Variants in GPM6A observed in about 807,000 individuals in gnomAD.
GPM6A encodes the protein neuronal membrane glycoprotein M6-a.
GPM6A carries 7 observed loss-of-function variants against 32.1 expected under a neutral mutation model. The ratio of observed to expected loss-of-function variants is 0.22; its 90% confidence interval spans 0.12 to 0.41. The LOEUF is 0.41. GPM6A is among the 10% of genes least tolerant of loss of function. GPM6A has a pLI of 1.00. For synonymous variants in GPM6A, 130 were observed against 123.4 expected, an observed-to-expected ratio of 1.05 and a Z score of -0.35; for missense variants, 235 against 347.2, an observed-to-expected ratio of 0.68 and a Z score of 2.57.
chr4:175,665,959 C>A (rs1382484135), intron 3 of GPM6A, among the ~76,000 whole-genome samples: 3 of 149,424 alleles, frequency 2.0e-5, no homozygotes, highest in Non-Finnish European at 3.0e-5. Context: ...CACTCAGTCA[C>A]CCAGGCTGGA....
At chr4:175,957,144 A>G (rs1305154541) in intron 1 of GPM6A, among the ~76,000 whole-genome samples, 1 of 152,220 alleles carries the variant, frequency 6.6e-6, no homozygotes, top group Non-Finnish European at 1.5e-5. Context: ...GCTCAGGCTT[A>G]AAAGCAGGCT....
rs116089667 is a variant in GPM6A at position 175,751,702 on chromosome 4, T to C, written c.38-49935A>G. On this transcript the variant is annotated intron_variant, in intron 1 of 6. Coordinates refer to ENST00000393658, the MANE Select transcript of GPM6A (RefSeq NM_201591.3). ...TGTAGTATTACATGTGGTTATACCA[T>C]GGACAGTTGATAGAGAATGACCCGG... Among the ~76,000 whole-genome samples the C allele has an allele frequency of 5.7e-3, 863 of 151,948 alleles. 10 individuals are homozygous for C. Among genetic ancestry groups the C allele is most frequent in the Middle Eastern group, 0.017 (5 of 294 alleles).
At chr4:175,874,825 T>C (rs1197769779) in intron 1 of GPM6A, among the ~76,000 whole-genome samples, 7 of 152,158 alleles carry the variant, frequency 4.6e-5, no homozygotes, top group African/African-American at 1.7e-4. Flanking sequence ...TCAATTGGCA[T>C]ACATCCTTTT....
At chr4:175,952,966 G>A (rs529106971) in intron 1 of GPM6A, among the ~76,000 whole-genome samples, 2 of 151,174 alleles carry the variant, frequency 1.3e-5, no homozygotes, top group East Asian at 3.9e-4. Flanking sequence ...GTGGGTAGAG[G>A]CTGCAGTGAG....
chr4:175,812,204 T>A lies in GPM6A; in HGVS notation c.24A>T (p.Gly8=). The change falls in exon 1 of 7, where the codon GGA becomes GGT. Residue 8 remains glycine, a synonymous_variant. Coordinates refer to ENST00000393658, the MANE Select transcript of GPM6A (RefSeq NM_201591.3). The stretch of plus-strand genomic sequence containing the variant: ...TTAGCACAGTACCTTTTTGTGTCTG[T>A]CCCTCTTCCATATTCTCTTCCATGG... MEENMEE[G]QTQKGCFECC... 1 of 1,590,950 alleles carries A rather than the reference T, an allele frequency of 6.3e-7. No individual in the cohort carries two copies. Among genetic ancestry groups the A allele is most frequent in the Non-Finnish European group, 8.6e-7 (1 of 1,165,064 alleles).
chr4:175,901,532 G>C (rs529663653), intron 1 of GPM6A, among the ~76,000 whole-genome samples: 1 of 150,676 alleles, frequency 6.6e-6, no homozygotes, highest in Non-Finnish European at 1.5e-5. Context: ...GGTTAGCTAG[G>C]ATACAGAATT....
chr4:175,952,513 AG>A (rs1739848537), intron 1 of GPM6A, among the ~76,000 whole-genome samples: 1 of 152,202 alleles, frequency 6.6e-6, no homozygotes, highest in South Asian at 2.1e-4. Context: ...CCACCTTCTT[AG>A]GGTAAGGATT....
At chr4:175,925,781 G>A (rs1013345611) in intron 1 of GPM6A, among the ~76,000 whole-genome samples, 1 of 150,930 alleles carries the variant, frequency 6.6e-6, no homozygotes, top group Non-Finnish European at 1.5e-5. Context: ...TACAGCTGTA[G>A]TTGTCAAAAT....
intron 1 of GPM6A, among the ~76,000 whole-genome samples, chr4:175,938,749 AG>A (rs989541384): frequency 2.0e-5 from 3 of 151,684 alleles, no homozygotes; most frequent in African/African-American, 4.8e-5. Flanking sequence ...AAAAAAAAAA[AG>A]AAATGACAAA....
intron 2 of GPM6A, among the ~76,000 whole-genome samples, chr4:175,691,124 T>C (rs1744272658): frequency 6.6e-6 from 1 of 152,202 alleles, no homozygotes; most frequent in Admixed American, 6.5e-5. Flanking sequence ...AAATATTAAA[T>C]TAGGAAAATT....
At chr4:175,874,508 T>G (rs1258363572) in intron 1 of GPM6A, among the ~76,000 whole-genome samples, 2 of 148,676 alleles carry the variant, frequency 1.3e-5, no homozygotes, top group South Asian at 2.1e-4. Context: ...GAGGGAGGAG[T>G]AAACACTGAG....
intron 2 of GPM6A, among the ~76,000 whole-genome samples, chr4:175,684,830 C>T (rs762606684): frequency 5.3e-5 from 8 of 151,870 alleles, no homozygotes; most frequent in Non-Finnish European, 1.0e-4. Flanking sequence ...GCTCTCCCTT[C>T]TTTGTATTTT....
At chr4:175,787,104 GTTGTTT>G (rs1733833771) in intron 1 of GPM6A, among the ~76,000 whole-genome samples, 1 of 149,422 alleles carries the variant, frequency 6.7e-6, no homozygotes, top group African/African-American at 2.5e-5. Context: ...TTTTTTTGTT[GTTGTTT>G]TTGTTTTTTA....
intron 1 of GPM6A, among the ~76,000 whole-genome samples, chr4:175,744,677 G>A (rs1037825821): frequency 3.9e-5 from 6 of 152,060 alleles, no homozygotes; most frequent in Admixed American, 1.3e-4. Flanking sequence ...GGCACATACC[G>A]TGTACTCAAA....
intron 1 of GPM6A, among the ~76,000 whole-genome samples, chr4:175,712,579 A>G (rs1745613994): frequency 6.6e-6 from 1 of 152,234 alleles, no homozygotes; most frequent in South Asian, 2.1e-4. Context: ...CTATGGAAAT[A>G]TTAGTGGAGT....
intron 1 of GPM6A, among the ~76,000 whole-genome samples, chr4:175,933,835 C>T (rs1346143701): frequency 6.6e-6 from 1 of 152,074 alleles, no homozygotes; most frequent in Non-Finnish European, 1.5e-5. Context: ...TGAGCCACTG[C>T]GCCCGGCCAG....
intron 1 of GPM6A, among the ~76,000 whole-genome samples, chr4:175,878,146 A>C (rs1737145583): frequency 6.6e-6 from 1 of 152,178 alleles, no homozygotes. Context: ...TTTGCAGGGT[A>C]CAGCCTCCCT....
Position 175,845,755 on chromosome 4 carries a change from A to G in GPM6A, c.-22-33506T>C, listed in dbSNP as rs372484181. On this transcript the variant is annotated intron_variant, in intron 1 of 7. Transcript: ENST00000280187. ...GACCATTACAATCAGATACCAATTA[A>G]TTTTCATAATTCAAGAGCTCTCCTT... Among the ~76,000 whole-genome samples, 38 of 152,146 alleles carry G rather than the reference A, an allele frequency of 2.5e-4. No individual in the cohort carries two copies. The South Asian group carries it at 7.1e-3, about 28-fold the overall frequency.
At chr4:175,985,043 A>T (rs1740933219) in intron 1 of GPM6A, among the ~76,000 whole-genome samples, 1 of 152,120 alleles carries the variant, frequency 6.6e-6, no homozygotes, top group African/African-American at 2.4e-5. Flanking sequence ...TAATTCTCCC[A>T]CCTTCTTTTT....
Sources: gnomAD v4.1 joint callset for allele counts (sites outside exome capture counted in the v4.1 genomes callset) on GRCh38, gnomAD v4.1.1 for gene constraint, MANE v1.5 for transcripts, NCBI Gene and HGNC (gene_info 2026-07-23, HGNC 2026-07-21) for gene names.